Variants in ADAMTSL1 observed in about 807,000 individuals in gnomAD.
ADAMTSL1 encodes the protein ADAMTS like 1.
ADAMTSL1 carries 126 observed loss-of-function variants against 201.8 expected under a neutral mutation model. The ratio of observed to expected loss-of-function variants is 0.62; its 90% confidence interval spans 0.54 to 0.72. The LOEUF (loss-of-function observed/expected upper bound fraction) is 0.72, where lower values mean the gene tolerates loss of function less well. Among genes scored for constraint, ADAMTSL1 ranks in the 30% least tolerant of loss-of-function variants. The probability of loss-of-function intolerance (pLI) is 0.00; values close to 1 mark genes in which losing one functional copy is unlikely to be tolerated. For synonymous variants in ADAMTSL1, 1,121 were observed against 903.4 expected (o/e 1.24, Z -4.32); for missense variants, 2,679 against 2,277.8 (o/e 1.18, Z -3.59).
At chr9:18,005,271 C>G (rs149476498) in intron 1 of ADAMTSL1, among the ~76,000 whole-genome samples, 1 of 152,136 alleles carries the variant, frequency 6.6e-6, no homozygotes, top group East Asian at 1.9e-4. Flanking sequence ...GAAAACACTT[C>G]AAAGGCCTGC....
intron 17 of ADAMTSL1, among the ~76,000 whole-genome samples, chr9:18,775,324 ATTAGC>A (rs1820912440): frequency 6.6e-6 from 1 of 152,238 alleles, no homozygotes; most frequent in South Asian, 2.1e-4. Context: ...GGAAAAAGGA[ATTAGC>A]AATAATTGTC....
At chr9:18,392,866 G>C (rs550294217) in intron 2 of ADAMTSL1, among the ~76,000 whole-genome samples, 1 of 152,194 alleles carries the variant, frequency 6.6e-6, no homozygotes, top group East Asian at 1.9e-4. Flanking sequence ...CCTCACTTTT[G>C]TGGTAGAAAT....
At chr9:17,909,379 T>C (rs1283714057) in intron 1 of ADAMTSL1, among the ~76,000 whole-genome samples, 4 of 145,990 alleles carry the variant, frequency 2.7e-5, no homozygotes, top group South Asian at 2.3e-4. Flanking sequence ...TGGTGTTTTA[T>C]ACATGAAGTC....
chr9:17,915,985 T>C (rs557034378), intron 1 of ADAMTSL1, among the ~76,000 whole-genome samples: 2 of 152,274 alleles, frequency 1.3e-5, no homozygotes, highest in South Asian at 4.1e-4. Flanking sequence ...AGTGGCATGA[T>C]CTTGGCTCAC....
At chr9:18,778,759 G>C (rs766297079) in intron 19 of ADAMTSL1, among the ~76,000 whole-genome samples, 1 of 152,138 alleles carries the variant, frequency 6.6e-6, no homozygotes, top group Non-Finnish European at 1.5e-5. Context: ...ACACCTTATA[G>C]AACAGGAAAT....
At chr9:18,636,296 A>T (rs1827109386) in intron 6 of ADAMTSL1, among the ~76,000 whole-genome samples, 1 of 152,106 alleles carries the variant, frequency 6.6e-6, no homozygotes, top group Non-Finnish European at 1.5e-5. Flanking sequence ...TGCGAGTGTT[A>T]TATCTCATTC....
chr9:18,684,642 G>A, intron 12 of ADAMTSL1, 74 bp from the exon 13 acceptor site: 4 of 1,500,508 alleles, frequency 2.7e-6, no homozygotes, highest in South Asian at 1.3e-5. Flanking sequence ...TTGGTGAGGA[G>A]AATAAGGAAT....
chr9:18,033,068 C>T (rs886346909), intron 1 of ADAMTSL1, among the ~76,000 whole-genome samples: 1 of 152,146 alleles, frequency 6.6e-6, no homozygotes, highest in Non-Finnish European at 1.5e-5. Flanking sequence ...TGTCCCTTCC[C>T]AATCTTATTT....
chr9:18,462,545 C>A (rs1390255127), intron 2 of ADAMTSL1, among the ~76,000 whole-genome samples: 4 of 152,064 alleles, frequency 2.6e-5, no homozygotes, highest in Non-Finnish European at 4.4e-5. Flanking sequence ...AAACCAATGA[C>A]AGAAAAGTCC....
intron 2 of ADAMTSL1, among the ~76,000 whole-genome samples, chr9:18,351,681 A>G (rs1835970997): frequency 1.3e-5 from 2 of 152,196 alleles, no homozygotes; most frequent in Non-Finnish European, 1.5e-5. Flanking sequence ...TGCTCTTGCA[A>G]TGGGTACACC....
At chr9:17,946,939 CAG>C (rs1827512315) in intron 1 of ADAMTSL1, among the ~76,000 whole-genome samples, 1 of 151,988 alleles carries the variant, frequency 6.6e-6, no homozygotes, top group Non-Finnish European at 1.5e-5. Flanking sequence ...TGTACAAAAA[CAG>C]ATCAATACCA....
intron 2 of ADAMTSL1, among the ~76,000 whole-genome samples, chr9:18,416,379 A>G (rs1204626776): frequency 1.3e-5 from 2 of 150,568 alleles, no homozygotes; most frequent in Non-Finnish European, 3.0e-5. Context: ...ATGAAATGGA[A>G]TTATAAAAAA....
intron 2 of ADAMTSL1, among the ~76,000 whole-genome samples, chr9:18,348,524 C>G (rs188469414): frequency 6.6e-6 from 1 of 152,116 alleles, no homozygotes; most frequent in African/African-American, 2.4e-5. Flanking sequence ...ACACTTGCTA[C>G]GTAATGAGTA....
chr9:17,972,501 T>A (rs988265144), intron 1 of ADAMTSL1, among the ~76,000 whole-genome samples: 2 of 151,790 alleles, frequency 1.3e-5, no homozygotes, highest in African/African-American at 4.8e-5. Context: ...ACTCATCATT[T>A]TTTATGGCTG....
intron 2 of ADAMTSL1, among the ~76,000 whole-genome samples, chr9:18,335,457 C>T (rs1835195511): frequency 6.6e-6 from 1 of 152,046 alleles, no homozygotes; most frequent in South Asian, 2.1e-4. Context: ...GGCAATATAT[C>T]ACAAAATTCA....
upstream of ADAMTSL1, among the ~76,000 whole-genome samples, chr9:18,470,039 A>G (rs1821147097): frequency 6.6e-6 from 1 of 152,236 alleles, no homozygotes; most frequent in South Asian, 2.1e-4. Flanking sequence ...GTGCCTACAC[A>G]TGGGAGACTC....
intron 1 of ADAMTSL1, among the ~76,000 whole-genome samples, chr9:18,146,502 C>T (rs1826649838): frequency 1.3e-5 from 2 of 152,186 alleles, no homozygotes; most frequent in South Asian, 2.1e-4. Context: ...GATTTTATGA[C>T]ATTTTGGGAA....
chr9:17,972,523 A>T (rs1267306112), intron 1 of ADAMTSL1, among the ~76,000 whole-genome samples: 4 of 151,756 alleles, frequency 2.6e-5, no homozygotes, highest in African/African-American at 7.3e-5. Context: ...ATAGTATTCC[A>T]TGGTGTCTAT....
intron 9 of ADAMTSL1, among the ~76,000 whole-genome samples, chr9:18,671,240 A>G (rs1442995546): frequency 1.3e-5 from 2 of 152,218 alleles, no homozygotes; most frequent in Non-Finnish European, 2.9e-5. Flanking sequence ...AAGGAGAGCG[A>G]ATTTCTGGCT....
Sources: allele counts gnomAD v4.1 joint callset (sites outside exome capture counted in the v4.1 genomes callset), GRCh38; gene constraint gnomAD v4.1.1; transcripts MANE v1.5; gene names NCBI Gene and HGNC (gene_info 2026-07-23, HGNC 2026-07-21).